UBE2J1: variants seen among roughly 807,000 people sequenced by gnomAD.
UBE2J1 encodes ubiquitin-conjugating enzyme E2 J1.
UBE2J1 carries 17 observed loss-of-function variants against 42.1 expected under a neutral mutation model. That is an observed-to-expected ratio of 0.40 (90% confidence interval 0.28 to 0.61). The LOEUF (loss-of-function observed/expected upper bound fraction) is 0.61. UBE2J1 is among the 20% of genes least tolerant of loss of function. UBE2J1 has a pLI of 0.38. For synonymous variants in UBE2J1, 127 were observed against 137.2 expected (o/e 0.93, Z 0.52); for missense variants, 291 against 389.4 (o/e 0.75, Z 2.13).
At chr6:89,330,581 C>A (rs1410879635) in intron 7 of UBE2J1, among the ~76,000 whole-genome samples, 2 of 152,054 alleles carry the variant, frequency 1.3e-5, no homozygotes, top group African/African-American at 4.8e-5. Context: ...ACTGCTTGAG[C>A]CCAGGCATCT....
chr6:89,332,214 A>C lies in UBE2J1; in HGVS notation c.678+872T>G, dbSNP rs79877756. Reference sequence around the variant, plus strand: ...CAATAAACTGGAGAAACAACAACAAAAAAAATGTGACTACTTAACCAAACA... The same window carrying C: ...CAATAAACTGGAGAAACAACAACAACAAAAATGTGACTACTTAACCAAACA... On this transcript the variant is annotated intron_variant, in intron 7 of 7. Coordinates refer to ENST00000435041, the MANE Select transcript of UBE2J1 (RefSeq NM_016021.3). 8.5e-3 allele frequency among the ~76,000 whole-genome samples: 1,294 copies of C among 152,334 alleles called. 11 individuals carry two copies. The highest frequency in any genetic ancestry group is 0.03 in the African/African-American group (1,249 of 41,570).
chr6:89,341,339 T>G (rs1768243205), intron 3 of UBE2J1, among the ~76,000 whole-genome samples: 1 of 152,202 alleles, frequency 6.6e-6, no homozygotes, highest in Non-Finnish European at 1.5e-5. Flanking sequence ...ATACAGGGAA[T>G]GGTTTTTGTG....
In UBE2J1 at chr6:89,329,873, G is replaced by A. The variant is rs767731573; in HGVS notation, c.763C>T (p.Arg255Cys). ...CTCTGACTCTGCTGCTGGGCCCGGCGCTGTCGAGGGCTCATGGAGGTATTC... is the reference window on the plus strand; with the variant it reads ...CTCTGACTCTGCTGCTGGGCCCGGCACTGTCGAGGGCTCATGGAGGTATTC... ...AKNTSMSPRQ[R>C]RAQQQSQRRL... is the part of the protein sequence containing the mutation. Residue 255 changes from arginine (R) to cysteine (C), a missense_variant, in exon 8 of 8, where the codon CGC becomes TGC. Physicochemically the swap from Arg to Cys is radical, Grantham distance 180. Around this residue, in one of 2 missense-constraint regions of UBE2J1, gnomAD observed 176 missense variants for 196.3 expected, o/e 0.90. Coordinates refer to ENST00000435041, the MANE Select transcript of UBE2J1 (RefSeq NM_016021.3). 8.7e-6 allele frequency: 14 copies of A among 1,614,058 alleles called. No homozygotes were observed. The highest frequency in any genetic ancestry group is 5.3e-5 in the African/African-American group (4 of 75,010).
intron 7 of UBE2J1, 129 bp from the exon 8 acceptor site, chr6:89,330,086 G>T: frequency 1.1e-6 from 1 of 920,068 alleles, no homozygotes; most frequent in Non-Finnish European, 1.6e-6. Context: ...AAGAATGATT[G>T]TTACTAATAA....
chr6:89,349,855 T>C (rs2127874663), intron 1 of UBE2J1, among the ~76,000 whole-genome samples: 1 of 152,278 alleles, frequency 6.6e-6, no homozygotes, highest in South Asian at 2.1e-4. Context: ...CACATGTCAA[T>C]GGCCCCCTGA....
chr6:89,348,720 C>A (rs1426533476), intron 1 of UBE2J1, among the ~76,000 whole-genome samples: 1 of 152,154 alleles, frequency 6.6e-6, no homozygotes, highest in African/African-American at 2.4e-5. Context: ...ATAATTACAA[C>A]CAAGTGGTAA....
chr6:89,333,160 T>G lies in UBE2J1; in HGVS notation c.604A>C (p.Asn202His). 6.2e-7 allele frequency: 1 copy of G among 1,613,358 alleles called. No homozygotes were observed. The highest frequency in any genetic ancestry group is 1.1e-5 in the South Asian group (1 of 90,888). ...AAATCAGTTAGTGAAAAAGAGTGGTTTAAGTCTGACTCAGAGATAGTCTTT... is the reference window on the plus strand; with the variant it reads ...AAATCAGTTAGTGAAAAAGAGTGGTGTAAGTCTGACTCAGAGATAGTCTTT... ...SGKTISESDLNHSFSLTDLQD... is the reference protein window; with the variant it reads ...SGKTISESDLHHSFSLTDLQD... The change falls in exon 7 of 8, where the codon AAC (asparagine) becomes CAC (histidine). Residue 202 changes from asparagine (N) to histidine (H), a missense_variant. Asn to His is a moderately conservative substitution (Grantham distance 68). Around this residue, in one of 2 missense-constraint regions of UBE2J1, gnomAD observed 176 missense variants for 196.3 expected, o/e 0.90. Transcript: ENST00000435041.
Position 89,352,663 on chromosome 6 carries a change from G to A in UBE2J1, c.-94C>T. ...GGTCTCAGCGCGGCTCGGGCGGACGGGGCCTGGCCGAGGAGCCTCGGCAAA... is the reference window on the plus strand; with the variant it reads ...GGTCTCAGCGCGGCTCGGGCGGACGAGGCCTGGCCGAGGAGCCTCGGCAAA... On this transcript the variant is annotated 5_prime_UTR_variant, in exon 1 of 8. Coordinates refer to ENST00000435041, the MANE Select transcript of UBE2J1 (RefSeq NM_016021.3). 5 of 1,378,856 alleles carry A rather than the reference G, an allele frequency of 3.6e-6. No individual in the cohort carries two copies. Among genetic ancestry groups the A allele is most frequent in the Non-Finnish European group, 4.7e-6 (5 of 1,052,820 alleles). 85.4% of individuals were successfully genotyped at this position (1,378,856 alleles called of 1,614,324 possible). A position where few individuals can be genotyped will look rare whatever the true frequency, so the allele number is the denominator to read the frequency against.
At chr6:89,332,999 A>C in intron 7 of UBE2J1, 87 bp downstream of exon 7, 1 of 1,291,878 alleles carries the variant, frequency 7.7e-7, no homozygotes, top group Non-Finnish European at 1.0e-6. Context: ...CAAATTTTTC[A>C]GATATTTGAT....
rs1353936826 is a variant in UBE2J1 at position 89,337,254 on chromosome 6, G to A, written c.428+951C>T. ...TTTTTTTTTTTTTTACCTCGCACATGAAATCAACTGGATAAAGGCATCAAG... is the reference window on the plus strand; with the variant it reads ...TTTTTTTTTTTTTTACCTCGCACATAAAATCAACTGGATAAAGGCATCAAG... On this transcript the variant is annotated intron_variant, in intron 5 of 7. Coordinates refer to ENST00000435041, the MANE Select transcript of UBE2J1 (RefSeq NM_016021.3). Among the ~76,000 whole-genome samples, 36 of 146,152 alleles carry A rather than the reference G, an allele frequency of 2.5e-4. 1 individual carries two copies. The highest frequency in any genetic ancestry group is 9.2e-4 in the African/African-American group (36 of 39,068).
intron 1 of UBE2J1, among the ~76,000 whole-genome samples, chr6:89,349,691 A>G (rs918018208): frequency 6.6e-6 from 1 of 152,152 alleles, no homozygotes; most frequent in Non-Finnish European, 1.5e-5. Context: ...GTGTATCTAT[A>G]GCTTACGAGA....
rs537265580 is a variant in UBE2J1 at position 89,329,277 on chromosome 6, A to G, written c.*402T>C. On this transcript the variant is annotated 3_prime_UTR_variant, in exon 8 of 8. Transcript: ENST00000435041. ...ACTCTTCTATCCCTATACATTCTAC[A>G]TACGTAGAAACAGAGTACTCAATAA... 2.0e-4 allele frequency: 43 copies of G among 212,910 alleles called. No individual in the cohort carries two copies. The highest frequency in any genetic ancestry group is 8.6e-4 in the African/African-American group (36 of 41,978). The allele number at this position is 212,910 out of a possible 1,614,324, so 13.2% of individuals were successfully genotyped here.
rs1767942882 is a variant in UBE2J1, at chr6:89,328,284, C to G, written c.*1395G>C. ...CGATTTTACAATTATTTCTCTTGTC[C>G]ATAATTTCACTTAGTTAAAACCACA... On this transcript the variant is annotated 3_prime_UTR_variant, in exon 8 of 8. Transcript: ENST00000435041. 6.6e-6 allele frequency: 1 copy of G among 152,108 alleles called. No individual in the cohort carries two copies. Among genetic ancestry groups the G allele is most frequent in the African/African-American group, 2.4e-5 (1 of 41,416 alleles). The allele number at this position is 152,108 out of a possible 1,614,324, so 9.4% of individuals were successfully genotyped here. A position where few individuals can be genotyped will look rare whatever the true frequency, so the allele number is the denominator to read the frequency against.
intron 6 of UBE2J1, among the ~76,000 whole-genome samples, chr6:89,333,999 T>C (rs988746498): frequency 6.6e-6 from 1 of 152,214 alleles, no homozygotes; most frequent in Admixed American, 6.5e-5. Context: ...TGTATGTATG[T>C]ATTTATTTAT....
chr6:89,348,407 CCA>C (rs1768403381), intron 1 of UBE2J1, among the ~76,000 whole-genome samples: 2 of 152,154 alleles, frequency 1.3e-5, no homozygotes, highest in African/African-American at 2.4e-5. Context: ...CTTCTACAGG[CCA>C]CTGCTTCCCA....
chr6:89,332,783 T>C (rs1229370578), intron 7 of UBE2J1, among the ~76,000 whole-genome samples: 1 of 152,170 alleles, frequency 6.6e-6, no homozygotes, highest in Non-Finnish European at 1.5e-5. Flanking sequence ...GGCTAACATA[T>C]GGATATTTTG....
chr6:89,332,140 T>C (rs529525405), intron 7 of UBE2J1, among the ~76,000 whole-genome samples: 3 of 152,294 alleles, frequency 2.0e-5, no homozygotes, highest in Admixed American at 1.3e-4. Context: ...AGGGCAAATC[T>C]ATATTTGCCC....
At chr6:89,345,485 C>G (rs944895670) in intron 1 of UBE2J1, among the ~76,000 whole-genome samples, 1 of 152,060 alleles carries the variant, frequency 6.6e-6, no homozygotes, top group Non-Finnish European at 1.5e-5. Context: ...GCCTGTAATC[C>G]CAGCTACTCG....
chr6:89,352,495 G>GGGT, intron 1 of UBE2J1, 44 bp downstream of exon 1: 1 of 1,544,312 alleles, frequency 6.5e-7, no homozygotes, highest in Non-Finnish European at 8.7e-7. Context: ...CCGGGGTCCA[G>GGGT]GGTCACTCCG....
Sources: allele counts gnomAD v4.1 joint callset (sites outside exome capture counted in the v4.1 genomes callset), GRCh38; gene constraint gnomAD v4.1.1; regional missense constraint gnomAD v4.1.1; transcripts MANE v1.5; gene names NCBI Gene and HGNC (gene_info 2026-07-23, HGNC 2026-07-21).